Variants in ADAMTS3 observed in about 807,000 individuals in gnomAD.
The protein encoded by ADAMTS3 is A disintegrin and metalloproteinase with thrombospondin motifs 3.
Under a neutral mutation model 129.0 loss-of-function variants are expected in ADAMTS3, and 73 were observed. The ratio of observed to expected loss-of-function variants is 0.57; its 90% CI spans 0.47 to 0.69. The LOEUF (loss-of-function observed/expected upper bound fraction) is 0.69. ADAMTS3 is among the 30% of genes least tolerant of loss of function. The probability of loss-of-function intolerance (pLI) is 0.00; values close to 1 mark genes in which losing one functional copy is unlikely to be tolerated. For missense variants in ADAMTS3, 1,457 were observed against 1,514.5 expected (o/e 0.96, Z 0.63); for synonymous variants, 477 against 510.8 (o/e 0.93, Z 0.89).
intron 3 of ADAMTS3, among the ~76,000 whole-genome samples, chr4:72,535,829 T>A (rs953670615): frequency 2.0e-5 from 3 of 152,168 alleles, no homozygotes; most frequent in Non-Finnish European, 2.9e-5. Flanking sequence ...TTGGGAAGAT[T>A]CTGAACAACA....
chr4:72,413,990 C>G (rs1418807761), intron 4 of ADAMTS3, among the ~76,000 whole-genome samples: 3 of 151,792 alleles, frequency 2.0e-5, no homozygotes, highest in Non-Finnish European at 4.4e-5. Context: ...GGTAGCAAGT[C>G]TCAAAAGGCA....
At chr4:72,341,835 C>G (rs1027591480) in intron 4 of ADAMTS3, among the ~76,000 whole-genome samples, 1 of 152,094 alleles carries the variant, frequency 6.6e-6, no homozygotes, top group East Asian at 1.9e-4. Context: ...AAGAAGGAAG[C>G]CTTTGAAAAT....
At chr4:72,431,731 A>C (rs1450860316) in intron 3 of ADAMTS3, among the ~76,000 whole-genome samples, 1 of 151,980 alleles carries the variant, frequency 6.6e-6, no homozygotes, top group Non-Finnish European at 1.5e-5. Flanking sequence ...GTACTTTTAC[A>C]TAGTGATAAG....
chr4:72,391,541 C>T (rs1212927727), intron 4 of ADAMTS3, among the ~76,000 whole-genome samples: 2 of 152,126 alleles, frequency 1.3e-5, no homozygotes, highest in Non-Finnish European at 2.9e-5. Context: ...TCAGGGGAGT[C>T]ATGAGAGGCC....
intron 3 of ADAMTS3, among the ~76,000 whole-genome samples, chr4:72,533,795 T>C (rs1721116651): frequency 6.6e-6 from 1 of 152,106 alleles, no homozygotes; most frequent in Admixed American, 6.6e-5. Context: ...AGCCTTCAAG[T>C]ACACAGAGCT....
chr4:72,505,594 T>C (rs1206244100), intron 3 of ADAMTS3, among the ~76,000 whole-genome samples: 2 of 152,144 alleles, frequency 1.3e-5, no homozygotes, highest in African/African-American at 4.8e-5. Flanking sequence ...GATGGACAAA[T>C]ACACCTACAG....
intron 3 of ADAMTS3, among the ~76,000 whole-genome samples, chr4:72,452,991 C>T (rs760108448): frequency 2.6e-5 from 4 of 151,758 alleles, no homozygotes; most frequent in Admixed American, 6.6e-5. Context: ...CCTGGATCCA[C>T]GCTACATACT....
chr4:72,441,007 A>C (rs1026252918), intron 3 of ADAMTS3, among the ~76,000 whole-genome samples: 8 of 151,888 alleles, frequency 5.3e-5, no homozygotes, highest in African/African-American at 1.9e-4. Context: ...GCCAGCAGTG[A>C]GATCAAAATA....
intron 3 of ADAMTS3, among the ~76,000 whole-genome samples, chr4:72,444,693 C>T (rs190096921): frequency 5.3e-5 from 8 of 151,622 alleles, no homozygotes; most frequent in African/African-American, 1.9e-4. Context: ...GCATAGGCTA[C>T]GTATTTGACA....
At chr4:72,450,481 C>A (rs1718367375) in intron 3 of ADAMTS3, among the ~76,000 whole-genome samples, 4 of 151,718 alleles carry the variant, frequency 2.6e-5, no homozygotes, top group Admixed American at 2.0e-4. Flanking sequence ...CATTATATGA[C>A]CATTCCCAAA....
intron 12 of ADAMTS3, among the ~76,000 whole-genome samples, 167 bp from the exon 13 acceptor site, chr4:72,312,633 C>T (rs1372228477): frequency 1.3e-5 from 2 of 152,066 alleles, no homozygotes; most frequent in Non-Finnish European, 2.9e-5. Flanking sequence ...CCCTTCTCTC[C>T]CTGCTGGGTG....
intron 3 of ADAMTS3, among the ~76,000 whole-genome samples, chr4:72,425,038 A>T (rs2109938349): frequency 1.3e-5 from 2 of 152,262 alleles, no homozygotes; most frequent in Middle Eastern, 3.4e-3. Context: ...TTTCAAGCTA[A>T]AGCTACAACA....
At chr4:72,369,372 G>A (rs1483695180) in intron 4 of ADAMTS3, among the ~76,000 whole-genome samples, 1 of 152,026 alleles carries the variant, frequency 6.6e-6, no homozygotes, top group East Asian at 1.9e-4. Flanking sequence ...GCCAACTATG[G>A]TGGAAGAATT....
chr4:72,539,402 T>G (rs1458765053), intron 3 of ADAMTS3, among the ~76,000 whole-genome samples: 2 of 149,204 alleles, frequency 1.3e-5, no homozygotes, highest in Admixed American at 1.4e-4. Context: ...CACGAAGAGA[T>G]GTTCAACTTC....
At chr4:72,286,770 G>A (rs755850386) in intron 21 of ADAMTS3, among the ~76,000 whole-genome samples, 18 of 152,086 alleles carry the variant, frequency 1.2e-4, no homozygotes, top group Non-Finnish European at 2.4e-4. Flanking sequence ...GGAAAACAAG[G>A]CAGGAGAAGA....
At chr4:72,424,475 T>A (rs944880596) in intron 3 of ADAMTS3, among the ~76,000 whole-genome samples, 3 of 152,062 alleles carry the variant, frequency 2.0e-5, no homozygotes, top group African/African-American at 7.2e-5. Context: ...TTTTCCCTAA[T>A]CTCCATTACC....
chr4:72,418,502 G>C (rs111308923), intron 3 of ADAMTS3, among the ~76,000 whole-genome samples: 13 of 152,278 alleles, frequency 8.5e-5, no homozygotes, highest in African/African-American at 3.1e-4. Context: ...CAGGTTGACA[G>C]TGGCTCTATC....
chr4:72,348,800 C>T (rs1429727758), intron 4 of ADAMTS3, among the ~76,000 whole-genome samples: 1 of 151,368 alleles, frequency 6.6e-6, no homozygotes, highest in Non-Finnish European at 1.5e-5. Flanking sequence ...TAGTTGCTGA[C>T]AGTGAACCAC....
At chr4:72,319,226 T>C (rs1394676900) in intron 9 of ADAMTS3, 106 bp downstream of exon 9, 1 of 1,335,550 alleles carries the variant, frequency 7.5e-7, no homozygotes, top group East Asian at 2.4e-5. Context: ...TTATCAGTAA[T>C]AGTTTTCATT....
Sources: gnomAD v4.1 joint callset for allele counts (sites outside exome capture counted in the v4.1 genomes callset) on GRCh38, gnomAD v4.1.1 for gene constraint, MANE v1.5 for transcripts, NCBI Gene and HGNC (gene_info 2026-07-23, HGNC 2026-07-21) for gene names.